The following CDH18 variants were observed in gnomAD, a reference collection of about 807,000 sequenced individuals.
CDH18 encodes the protein cadherin 18, also known as cadherin-18.
In CDH18, 31 loss-of-function variants were observed where a neutral mutation model predicts 67.9. The ratio of observed to expected loss-of-function variants is 0.46; its 90% CI spans 0.34 to 0.62. The LOEUF (loss-of-function observed/expected upper bound fraction) is 0.62. Ranked by LOEUF, CDH18 falls within the 20% of genes least tolerant of loss-of-function variation. The probability of loss-of-function intolerance (pLI) is 0.01; values close to 1 mark genes in which losing one functional copy is unlikely to be tolerated. For synonymous variants in CDH18, 362 were observed against 347.2 expected (o/e 1.04, Z -0.48); for missense variants, 890 against 975.5 (o/e 0.91, Z 1.17).
intron 5 of CDH18, among the ~76,000 whole-genome samples, chr5:19,670,693 T>C (rs929893166): frequency 2.6e-5 from 4 of 152,220 alleles, no homozygotes; most frequent in African/African-American, 7.2e-5. Context: ...GGACCTCTGC[T>C]CACCAGGTAA....
intron 2 of CDH18, among the ~76,000 whole-genome samples, chr5:20,202,267 T>A (rs1323798713): frequency 6.6e-6 from 1 of 152,120 alleles, no homozygotes. Flanking sequence ...TTTAGATTAT[T>A]TAGAATCATT....
At chr5:20,209,840 A>T (rs1285144673) in intron 2 of CDH18, among the ~76,000 whole-genome samples, 5 of 151,902 alleles carry the variant, frequency 3.3e-5, no homozygotes, top group African/African-American at 4.8e-5. Context: ...ACATTATATG[A>T]ATATGTGCCC....
chr5:20,167,269 TG>T (rs1300155221), intron 2 of CDH18, among the ~76,000 whole-genome samples: 1 of 152,086 alleles, frequency 6.6e-6, no homozygotes, highest in Non-Finnish European at 1.5e-5. Flanking sequence ...TGTCCTCACA[TG>T]GAAAGAATGT....
At chr5:20,125,099 T>C (rs906300272) in intron 2 of CDH18, among the ~76,000 whole-genome samples, 2 of 152,172 alleles carry the variant, frequency 1.3e-5, no homozygotes, top group African/African-American at 2.4e-5. Context: ...TGACCAAGTA[T>C]GGAAATAAAA....
In CDH18 at chr5:20,304,528, G is replaced by A; in HGVS notation, c.-579-49023C>T. On this transcript the variant is annotated intron_variant, in intron 1 of 14. Transcript: ENST00000507958. The stretch of plus-strand genomic sequence containing the variant: ...ATGGTGAAGAGACTGGTTTACTCTG[G>A]TAATATCTTTGCCAAATAAACTGGA... 3 of 1,608,878 alleles carry A rather than the reference G, an allele frequency of 1.9e-6. No homozygotes were observed. The South Asian group carries it at 3.3e-5, about 18-fold the overall frequency.
Position 20,545,929 on chromosome 5 carries a change from C to T in CDH18, c.-580+29533G>A, listed in dbSNP as rs542068920. ...CCCTTTTAAATGTAAGTTACAATTT[C>T]AAACCATCTCTTTGTGAATGCATGT... On this transcript the variant is annotated intron_variant, in intron 1 of 14. Coordinates refer to the CDH18 transcript ENST00000507958. 2.6e-5 allele frequency among the ~76,000 whole-genome samples: 4 copies of T among 152,244 alleles called. No individual in the cohort carries two copies. The South Asian group carries it at 8.3e-4, about 32-fold the overall frequency.
At chr5:20,421,959 T>G (rs1055488941) in intron 1 of CDH18, among the ~76,000 whole-genome samples, 5 of 150,892 alleles carry the variant, frequency 3.3e-5, no homozygotes, top group African/African-American at 1.2e-4. Flanking sequence ...AAAAACCTGT[T>G]TCATCCATTT....
intron 8 of CDH18, among the ~76,000 whole-genome samples, chr5:19,553,453 C>T (rs1332129394): frequency 6.6e-6 from 1 of 151,154 alleles, no homozygotes. Flanking sequence ...TATAGAAGAC[C>T]TCTTTCAGTT....
chr5:19,936,561 A>G (rs1028945238), intron 2 of CDH18, among the ~76,000 whole-genome samples: 1 of 151,200 alleles, frequency 6.6e-6, no homozygotes, highest in African/African-American at 2.4e-5. Flanking sequence ...TAAGGTTTTC[A>G]TTATAATTAA....
chr5:20,261,344 G>C (rs1354404197), intron 1 of CDH18, among the ~76,000 whole-genome samples: 1 of 152,092 alleles, frequency 6.6e-6, no homozygotes, highest in African/African-American at 2.4e-5. Flanking sequence ...TTATAAATAA[G>C]ATTATTTATG....
chr5:19,992,396 A>T (rs1319752476), upstream of CDH18, among the ~76,000 whole-genome samples: 1 of 150,150 alleles, frequency 6.7e-6, no homozygotes, highest in African/African-American at 2.4e-5. Flanking sequence ...ATAATAGATG[A>T]TGAAGTCTAG....
chr5:20,283,742 C>A (rs1466840516), intron 1 of CDH18, among the ~76,000 whole-genome samples: 1 of 152,020 alleles, frequency 6.6e-6, no homozygotes, highest in African/African-American at 2.4e-5. Context: ...CCAGCAAATC[C>A]ACTACTAGGT....
chr5:20,051,512 T>G (rs1741414802), intron 2 of CDH18, among the ~76,000 whole-genome samples: 1 of 152,014 alleles, frequency 6.6e-6, no homozygotes, highest in Admixed American at 6.6e-5. Flanking sequence ...TGTATTTTCA[T>G]GGGTTCATTA....
chr5:19,581,963 T>C (rs984688350), intron 7 of CDH18, among the ~76,000 whole-genome samples: 4 of 152,078 alleles, frequency 2.6e-5, no homozygotes, highest in African/African-American at 9.6e-5. Flanking sequence ...TTTCTCATCA[T>C]ATATTTCTCT....
chr5:19,991,076 A>G (rs1185221829), upstream of CDH18, among the ~76,000 whole-genome samples: 1 of 152,192 alleles, frequency 6.6e-6, no homozygotes, highest in Admixed American at 6.5e-5. Flanking sequence ...AGACTATAGA[A>G]ACTGGAAAGA....
At chr5:19,514,964 G>T (rs947149797) in intron 10 of CDH18, among the ~76,000 whole-genome samples, 2 of 152,134 alleles carry the variant, frequency 1.3e-5, no homozygotes, top group Non-Finnish European at 2.9e-5. Context: ...TTCTTCTAGG[G>T]TTTTTATGGT....
intron 7 of CDH18, among the ~76,000 whole-genome samples, chr5:19,586,383 C>T (rs1424669445): frequency 6.6e-6 from 1 of 151,916 alleles, no homozygotes; most frequent in Non-Finnish European, 1.5e-5. Context: ...TCCTATAGGC[C>T]CGTGTGTGTT....
At chr5:20,003,892 G>A (rs775537052) in intron 2 of CDH18, among the ~76,000 whole-genome samples, 6 of 152,088 alleles carry the variant, frequency 3.9e-5, no homozygotes, top group East Asian at 1.9e-4. Flanking sequence ...GCGAGACTCC[G>A]TCTCAAAAAA....
chr5:20,391,528 A>G (rs1393089923), intron 1 of CDH18, among the ~76,000 whole-genome samples: 5 of 152,090 alleles, frequency 3.3e-5, no homozygotes, highest in Non-Finnish European at 7.4e-5. Flanking sequence ...TTCAGATTTC[A>G]TGCTTAATAT....
Sources: gnomAD v4.1 joint callset for allele counts (sites outside exome capture counted in the v4.1 genomes callset) on GRCh38, gnomAD v4.1.1 for gene constraint, MANE v1.5 for transcripts, NCBI Gene and HGNC (gene_info 2026-07-23, HGNC 2026-07-21) for gene names.